The following DNMT1 variants were observed in gnomAD, a reference collection of about 807,000 sequenced individuals.
DNMT1 encodes the protein DNA methyltransferase 1.
A neutral mutation model predicts 205.3 loss-of-function variants in DNMT1; 24 were observed. The observed-to-expected ratio is 0.12, with a 90% CI of 0.08 to 0.16. The LOEUF (loss-of-function observed/expected upper bound fraction) is 0.16. Among genes scored for constraint, DNMT1 ranks in the 10% least tolerant of loss-of-function variants. The pLI, the probability that DNMT1 is intolerant of heterozygous loss-of-function variation, is 1.00. For synonymous variants in DNMT1, 817 were observed against 839.8 expected, an observed-to-expected ratio of 0.97 and a Z score of 0.47; for missense variants, 1,293 against 2,177.7, an observed-to-expected ratio of 0.59 and a Z score of 8.09.
At chr19:10,143,738 T>A (rs778999593) in intron 29 of DNMT1, 28 bp downstream of exon 29, 1 of 1,613,086 alleles carries the variant, frequency 6.2e-7, no homozygotes, top group South Asian at 1.1e-5. Flanking sequence ...GTCTGTGGCC[T>A]CGTGGAAGAA....
Position 10,134,408 on chromosome 19 carries a change from G to A in DNMT1, c.4774-101C>T, listed in dbSNP as rs1000553873. 4.7e-6 allele frequency: 5 copies of A among 1,073,498 alleles called. No individual in the cohort carries two copies. In the Middle Eastern group the frequency reaches 7.9e-4, roughly 171 times the overall value. The allele number at this position is 1,073,498 out of a possible 1,614,324, so 66.5% of individuals were successfully genotyped here. Reference sequence around the variant, plus strand: ...CCTGCTCAGATGGAGGACAACCTGGGCATTGCACCCCTTGGGGAAGGGTTC... The same window carrying A: ...CCTGCTCAGATGGAGGACAACCTGGACATTGCACCCCTTGGGGAAGGGTTC... On this transcript the variant is annotated intron_variant, in intron 39 of 40. Coordinates refer to ENST00000359526, the MANE Select transcript of DNMT1 (RefSeq NM_001130823.3).
intron 40 of DNMT1, 51 bp downstream of exon 40, chr19:10,134,166 C>A: frequency 6.3e-7 from 1 of 1,597,924 alleles, no homozygotes; most frequent in Non-Finnish European, 8.6e-7. Flanking sequence ...CCCACATGTA[C>A]CCCCAGAGGG....
intron 29 of DNMT1, 143 bp from the exon 30 acceptor site, chr19:10,142,363 AG>A (rs2089616955): frequency 8.7e-7 from 1 of 1,146,560 alleles, no homozygotes; most frequent in African/African-American, 1.5e-5. Flanking sequence ...AGACCCCCTC[AG>A]TTAGGGAACT....
At chr19:10,145,269 CT>C (rs2145280153) in intron 28 of DNMT1, among the ~76,000 whole-genome samples, 2 of 152,364 alleles carry the variant, frequency 1.3e-5, no homozygotes, top group South Asian at 4.1e-4. Flanking sequence ...GACTCTCCCA[CT>C]TTGCCAGGAG....
intron 34 of DNMT1, among the ~76,000 whole-genome samples, chr19:10,139,090 C>A (rs1173081881): frequency 6.6e-6 from 1 of 152,326 alleles, no homozygotes; most frequent in East Asian, 1.9e-4. Flanking sequence ...ATAGCTGTTT[C>A]ATTTTTAATT....
intron 1 of DNMT1, 21 bp downstream of exon 1, chr19:10,194,799 G>C (rs766417524): frequency 6.2e-7 from 1 of 1,610,270 alleles, no homozygotes; most frequent in African/African-American, 1.3e-5. Flanking sequence ...CTGAGTCCGT[G>C]TTCCCCCCCA....
intron 1 of DNMT1, among the ~76,000 whole-genome samples, chr19:10,194,325 G>A (rs2039360121): frequency 6.6e-6 from 1 of 152,204 alleles, no homozygotes; most frequent in Non-Finnish European, 1.5e-5. Flanking sequence ...GGCCGCCATC[G>A]AGATGCACAG....
Position 10,137,460 on chromosome 19 carries a change from G to A in DNMT1, c.4294-180C>T. On this transcript the variant is annotated intron_variant, in intron 36 of 40. Coordinates refer to ENST00000359526, the MANE Select transcript of DNMT1 (RefSeq NM_001130823.3). The surrounding 1 kb of genome is among the most constrained non-coding windows in gnomAD (Gnocchi z 6.4). ...GAGGCCACGGCAGGGACCTGAGGCAGCGCAGGTGTAGGAGAGCGTGGGAAT... is the reference window on the plus strand; with the variant it reads ...GAGGCCACGGCAGGGACCTGAGGCAACGCAGGTGTAGGAGAGCGTGGGAAT... 5.3e-6 allele frequency: 4 copies of A among 750,966 alleles called. No homozygotes were observed. The highest frequency in any genetic ancestry group is 2.4e-5 in the Admixed American group (1 of 41,038). The allele number at this position is 750,966 out of a possible 1,614,324, so 46.5% of individuals were successfully genotyped here. A position where few individuals can be genotyped will look rare whatever the true frequency, so the allele number is the denominator to read the frequency against.
At position 10,136,295 on chromosome 19, in the gene DNMT1, AC is replaced by A. The variant is rs1375668430; in HGVS notation, c.4490-9del. 3.1e-6 allele frequency: 5 copies of A among 1,613,514 alleles called. No individual in the cohort carries two copies. Among genetic ancestry groups the A allele is most frequent in the Non-Finnish European group, 4.2e-6 (5 of 1,180,004 alleles). ...GGTCGCAGGCTTTGCCGGCTGGAAG[AC>A]AGGACAGTGATGAGGCTGCAGTTGT... On this transcript the variant is annotated splice_polypyrimidine_tract_variant and intron_variant, in intron 37 of 40. Coordinates refer to ENST00000359526, the MANE Select transcript of DNMT1 (RefSeq NM_001130823.3).
rs529615022 is a variant in DNMT1, at chr19:10,194,926, C to A, written c.-27G>T. The A allele has an allele frequency of 5.6e-6, 9 of 1,594,034 alleles. No individual in the cohort carries two copies. In the South Asian group the frequency reaches 9.0e-5, roughly 16 times the overall value. ...TCGGAGGCTTCAGCAGACGCGGCGG[C>A]GGCAGCGCAGGCGCCCCGGCTTTTC... On this transcript the variant is annotated 5_prime_UTR_variant, in exon 1 of 41. Transcript: ENST00000359526.
chr19:10,191,636 G>C (rs1485036149), intron 1 of DNMT1, among the ~76,000 whole-genome samples: 1 of 152,104 alleles, frequency 6.6e-6, no homozygotes, highest in Non-Finnish European at 1.5e-5. Flanking sequence ...TTGGCAAGCA[G>C]CAGACCTTAG....
rs553642859 is a variant in DNMT1, at chr19:10,188,751, G to A, written c.80+6069C>T. On this transcript the variant is annotated intron_variant, in intron 1 of 40. Transcript: ENST00000359526. ...TTTCTAGCTGCAGAGAGCGGGCAAC[G>A]TTGGAGGACGGGTCAGAGAGAGATG... is the stretch of plus-strand genomic sequence containing the variant. Among the ~76,000 whole-genome samples, 5 of 152,222 alleles carry A rather than the reference G, an allele frequency of 3.3e-5. No individual in the cohort carries two copies. The East Asian group carries it at 5.8e-4, about 18-fold the overall frequency.
intron 1 of DNMT1, among the ~76,000 whole-genome samples, chr19:10,192,624 G>A (rs2039324235): frequency 6.6e-6 from 1 of 152,032 alleles, no homozygotes; most frequent in Non-Finnish European, 1.5e-5. Flanking sequence ...AATAAAAAAG[G>A]AAGGCCGGGC....
intron 10 of DNMT1, among the ~76,000 whole-genome samples, 190 bp downstream of exon 10, chr19:10,168,140 A>G (rs2038732711): frequency 6.6e-6 from 1 of 151,902 alleles, no homozygotes; most frequent in Admixed American, 6.6e-5. Flanking sequence ...AATTAAATTA[A>G]ATTAAAGTTA....
At position 10,140,837 on chromosome 19, in the gene DNMT1, CGCAGCTTGG is replaced by C; in HGVS notation, c.3458_3466del (p.Pro1153_Leu1155del). 6.2e-7 allele frequency: 1 copy of C among 1,614,164 alleles called. No individual in the cohort carries two copies. Among genetic ancestry groups the C allele is most frequent in the Non-Finnish European group, 8.5e-7 (1 of 1,180,044 alleles). On this transcript the variant is annotated inframe_deletion, in exon 32 of 41. Transcript: ENST00000359526. The surrounding 1 kb of genome is among the most constrained non-coding windows in gnomAD (Gnocchi z 8.4). ...GCAGCCAGAAAACACATCCAGGGTC[CGCAGCTTGG>C]GCAGCTTGATCTCTATCTCTGGCTC...
At chr19:10,144,044 A>G (rs999945552) in intron 28 of DNMT1, 57 bp from the exon 29 acceptor site, 40 of 1,542,032 alleles carry the variant, frequency 2.6e-5, no homozygotes, top group Non-Finnish European at 3.6e-5. Flanking sequence ...GTGGTCAGTC[A>G]GGCATGACTG....
intron 28 of DNMT1, chr19:10,144,295 C>G (rs1422170010): frequency 2.7e-6 from 1 of 369,486 alleles, no homozygotes; most frequent in Non-Finnish European, 5.3e-6. Context: ...ATAATTCCAG[C>G]TACTTGGGAG....
chr19:10,157,272 TA>T (rs2038477506), intron 17 of DNMT1, among the ~76,000 whole-genome samples: 1 of 151,978 alleles, frequency 6.6e-6, no homozygotes, highest in Admixed American at 6.6e-5. Flanking sequence ...CTATTCAAGA[TA>T]CCTCATATGG....
At chr19:10,173,021 C>T in intron 9 of DNMT1, 69 bp downstream of exon 9, 1 of 1,586,336 alleles carries the variant, frequency 6.3e-7, no homozygotes, top group Non-Finnish European at 8.7e-7. Context: ...GTCCCCACGT[C>T]CTGGAAGGAA....
Sources: gnomAD v4.1 joint callset for allele counts (sites outside exome capture counted in the v4.1 genomes callset) on GRCh38, gnomAD v4.1.1 for gene constraint, Gnocchi (gnomAD v3.1) non-coding constraint, MANE v1.5 for transcripts, NCBI Gene and HGNC (gene_info 2026-07-23, HGNC 2026-07-21) for gene names.